Variants in DGKG observed in about 807,000 individuals in gnomAD.
DGKG encodes diacylglycerol kinase gamma.
Under a neutral mutation model 105.3 loss-of-function variants are expected in DGKG, and 78 were observed. That is an observed-to-expected ratio of 0.74 (90% CI 0.62 to 0.89). DGKG has a LOEUF of 0.89. Among genes scored for constraint, DGKG ranks in the 40% least tolerant of loss-of-function variants. The pLI, the probability that DGKG is intolerant of heterozygous loss-of-function variation, is 0.00. For synonymous variants in DGKG, 346 were observed against 367.1 expected (o/e 0.94, Z 0.66); for missense variants, 958 against 1,020.1 (o/e 0.94, Z 0.83).
intron 22 of DGKG, among the ~76,000 whole-genome samples, chr3:186,171,399 T>C (rs1243872442): frequency 6.6e-6 from 1 of 152,210 alleles, no homozygotes; most frequent in South Asian, 2.1e-4. Context: ...CAGTTATCAA[T>C]GGGGGATTGG....
intron 12 of DGKG, among the ~76,000 whole-genome samples, chr3:186,268,161 C>T (rs77691253): frequency 0.02 from 3,005 of 152,268 alleles, 102 homozygotes; most frequent in African/African-American, 0.068. Context: ...GAGAGTAAAC[C>T]TTGTGATTCA....
chr3:186,359,964 C>A (rs1302748253), intron 1 of DGKG, among the ~76,000 whole-genome samples: 1 of 152,168 alleles, frequency 6.6e-6, no homozygotes, highest in Non-Finnish European at 1.5e-5. Context: ...AAAGGTACTT[C>A]CCCGCCCTTT....
Position 186,300,182 on chromosome 3 carries a change from C to A in DGKG, c.145-1953G>T, listed in dbSNP as rs574769556. Among the ~76,000 whole-genome samples, 51 of 152,250 alleles carry A rather than the reference C, an allele frequency of 3.3e-4. No homozygotes were observed. The South Asian group carries it at 9.8e-3, about 29-fold the overall frequency. ...CACCCACCTTGATCCTTGATTCCAT[C>A]CTCGCTGGCTCTGATTGCATCTCCA... On this transcript the variant is annotated intron_variant, in intron 3 of 24. Coordinates refer to ENST00000265022, the MANE Select transcript of DGKG (RefSeq NM_001346.3).
chr3:186,273,369 T>C (rs897369820), intron 10 of DGKG, among the ~76,000 whole-genome samples: 4,060 of 120,196 alleles, frequency 0.034, 718 homozygotes, highest in African/African-American at 0.13. Flanking sequence ...TTGTACCCCT[T>C]TTTTTTTTTT....
chr3:186,256,663 G>A (rs369215596), intron 17 of DGKG, among the ~76,000 whole-genome samples: 7 of 152,116 alleles, frequency 4.6e-5, no homozygotes, highest in Admixed American at 2.6e-4. Context: ...CTGGCCCCTC[G>A]TCACCTCTGC....
At chr3:186,270,900 T>G (rs1282714678) in intron 11 of DGKG, among the ~76,000 whole-genome samples, 1 of 152,224 alleles carries the variant, frequency 6.6e-6, no homozygotes, top group African/African-American at 2.4e-5. Flanking sequence ...CTCTGTTCTC[T>G]GTGTGACAGG....
intron 1 of DGKG, among the ~76,000 whole-genome samples, chr3:186,323,094 CT>C (rs1725159042): frequency 6.6e-6 from 1 of 152,174 alleles, no homozygotes; most frequent in African/African-American, 2.4e-5. Flanking sequence ...TTGGTCTGCT[CT>C]TTAAATTGCC....
intron 3 of DGKG, among the ~76,000 whole-genome samples, chr3:186,304,346 C>A (rs1285573566): frequency 6.6e-6 from 1 of 152,212 alleles, no homozygotes; most frequent in African/African-American, 2.4e-5. Context: ...CATTCTCAGT[C>A]TCGCCCCTGT....
chr3:186,283,588 C>T (rs1163520216), intron 7 of DGKG, among the ~76,000 whole-genome samples: 2 of 152,192 alleles, frequency 1.3e-5, no homozygotes, highest in African/African-American at 4.8e-5. Flanking sequence ...CATGTTTTTA[C>T]TATGCTGCTT....
intron 20 of DGKG, among the ~76,000 whole-genome samples, chr3:186,235,717 G>A (rs1015125371): frequency 1.3e-5 from 2 of 152,180 alleles, no homozygotes; most frequent in Admixed American, 1.3e-4. Flanking sequence ...CTTGAGCTTT[G>A]TCGGTTTCTA....
At chr3:186,220,771 A>G (rs1357101910) in intron 20 of DGKG, among the ~76,000 whole-genome samples, 1 of 152,152 alleles carries the variant, frequency 6.6e-6, no homozygotes, top group African/African-American at 2.4e-5. Context: ...TCATATTTAG[A>G]GCAGCCTCTG....
At chr3:186,199,945 G>A (rs142435956) in intron 21 of DGKG, among the ~76,000 whole-genome samples, 55 of 152,268 alleles carry the variant, frequency 3.6e-4, no homozygotes, top group African/African-American at 1.2e-3. Flanking sequence ...TGCAAGTGAC[G>A]AGATCAAGAA....
intron 1 of DGKG, among the ~76,000 whole-genome samples, chr3:186,359,516 T>A (rs899244289): frequency 5.9e-5 from 9 of 152,172 alleles, no homozygotes; most frequent in Non-Finnish European, 1.5e-5. Context: ...TGGGTTTGAA[T>A]CTTGATTCTG....
chr3:186,297,062 T>TCACACACACACACACA (rs1491170428), intron 5 of DGKG, among the ~76,000 whole-genome samples: 6 of 26,778 alleles, frequency 2.2e-4, no homozygotes, highest in African/African-American at 4.7e-4. Flanking sequence ...TGTCTGTCTG[T>TCACACACACACACACA]CTCTCTCACA....
chr3:186,239,374 G>T (rs559379752), intron 20 of DGKG, among the ~76,000 whole-genome samples: 1 of 152,214 alleles, frequency 6.6e-6, no homozygotes, highest in Non-Finnish European at 1.5e-5. Context: ...GTTTGATAAT[G>T]CCGTTTACAT....
chr3:186,318,859 C>T (rs1724942699), intron 2 of DGKG, among the ~76,000 whole-genome samples: 1 of 152,152 alleles, frequency 6.6e-6, no homozygotes, highest in Non-Finnish European at 1.5e-5. Flanking sequence ...AGCAAACAAC[C>T]CCCATACCAG....
At chr3:186,309,078 A>G (rs1724392745) in intron 2 of DGKG, among the ~76,000 whole-genome samples, 1 of 152,244 alleles carries the variant, frequency 6.6e-6, no homozygotes, top group Non-Finnish European at 1.5e-5. Context: ...TAACATAAAG[A>G]AAGGTGTAAT....
intron 21 of DGKG, among the ~76,000 whole-genome samples, chr3:186,202,194 G>A (rs921734168): frequency 4.6e-5 from 7 of 152,206 alleles, no homozygotes; most frequent in Non-Finnish European, 8.8e-5. Context: ...TGCTGCTATT[G>A]TTATTCATTT....
intron 7 of DGKG, among the ~76,000 whole-genome samples, chr3:186,283,548 T>C (rs1370898713): frequency 1.3e-5 from 2 of 152,210 alleles, no homozygotes; most frequent in African/African-American, 4.8e-5. Context: ...TTCCTTTATT[T>C]TTCTTCTCAG....
Sources: allele counts gnomAD v4.1 joint callset (sites outside exome capture counted in the v4.1 genomes callset), GRCh38; gene constraint gnomAD v4.1.1; transcripts MANE v1.5; gene names NCBI Gene and HGNC (gene_info 2026-07-23, HGNC 2026-07-21).